The following NRG1 variants were observed in gnomAD, a reference collection of about 807,000 sequenced individuals.
NRG1 encodes neuregulin 1.
Under a neutral mutation model 63.8 loss-of-function variants are expected in NRG1, and 18 were observed. The ratio of observed to expected loss-of-function variants is 0.28; its 90% CI spans 0.19 to 0.42. NRG1 has a LOEUF of 0.42. NRG1 is among the 10% of genes least tolerant of loss of function. The probability of loss-of-function intolerance (pLI) is 1.00; values close to 1 mark genes in which losing one functional copy is unlikely to be tolerated. For missense variants in NRG1, 762 were observed against 814.7 expected, an observed-to-expected ratio of 0.94 and a Z score of 0.79; for synonymous variants, 302 against 301.3, an observed-to-expected ratio of 1.00 and a Z score of -0.02.
In NRG1 at chr8:31,640,130, C is replaced by T. The variant is rs1331895885; in HGVS notation, c.37+699C>T. On this transcript the variant is annotated intron_variant, in intron 1 of 10. Transcript: ENST00000519301. This position sits in a 1 kb window ranked among gnomAD's most constrained non-coding sequence, Gnocchi z 6.3. ...ACCGCGGCCCTGGCGCCGGGGGCGG[C>T]GGCCGGCAACGAGGCGGCTCCCGCG... The T allele has an allele frequency of 6.9e-6, 8 of 1,157,546 alleles. No individual in the cohort carries two copies. Among genetic ancestry groups the T allele is most frequent in the Admixed American group, 4.8e-5 (1 of 20,902 alleles). The allele number at this position is 1,157,546 out of a possible 1,614,324, so 71.7% of individuals were successfully genotyped here.
intron 1 of NRG1, among the ~76,000 whole-genome samples, chr8:32,125,908 G>T (rs2346771): frequency 0.66 from 99,907 of 151,800 alleles, 34,178 homozygotes; most frequent in African/African-American, 0.85. Flanking sequence ...GATTTATTGA[G>T]TAGGGGATTC....
chr8:31,959,808 T>TATTG (rs1805132383), intron 1 of NRG1, among the ~76,000 whole-genome samples: 1 of 126,888 alleles, frequency 7.9e-6, no homozygotes, highest in Non-Finnish European at 1.8e-5. Flanking sequence ...TTTATTTATT[T>TATTG]ATTTATTTAT....
intron 5 of NRG1, among the ~76,000 whole-genome samples, chr8:32,725,693 C>T (rs1187002172): frequency 1.3e-5 from 2 of 151,702 alleles, no homozygotes; most frequent in East Asian, 2.0e-4. Flanking sequence ...TCAGGCTGGT[C>T]GCAAACTCCT....
At chr8:31,991,116 G>C (rs192073195) in intron 1 of NRG1, among the ~76,000 whole-genome samples, 1 of 152,174 alleles carries the variant, frequency 6.6e-6, no homozygotes, top group East Asian at 1.9e-4. Context: ...TATTGTAGTA[G>C]TTTTAATAGA....
chr8:31,956,065 A>C (rs1804343918), intron 1 of NRG1, among the ~76,000 whole-genome samples: 1 of 151,620 alleles, frequency 6.6e-6, no homozygotes, highest in African/African-American at 2.4e-5. Context: ...AAAAAAACAA[A>C]AAAACAAAAA....
At chr8:32,550,219 T>C (rs4368937) in intron 1 of NRG1, among the ~76,000 whole-genome samples, 59,504 of 151,924 alleles carry the variant, frequency 0.39, 12,729 homozygotes, top group Admixed American at 0.49. Flanking sequence ...CAATTACTGA[T>C]CATTGCCCCT....
intron 1 of NRG1, among the ~76,000 whole-genome samples, chr8:31,752,355 T>A (rs1816563640): frequency 6.6e-6 from 1 of 152,012 alleles, no homozygotes. Flanking sequence ...TTAGGTGTGA[T>A]GAGAATGCAT....
chr8:32,096,000 A>G (rs1829856691), intron 1 of NRG1, among the ~76,000 whole-genome samples: 1 of 152,212 alleles, frequency 6.6e-6, no homozygotes, highest in Admixed American at 6.5e-5. Flanking sequence ...AGATCTGAGT[A>G]ACAAGAAGAA....
intron 1 of NRG1, among the ~76,000 whole-genome samples, chr8:31,762,679 G>T (rs892743807): frequency 1.3e-5 from 2 of 152,126 alleles, no homozygotes; most frequent in African/African-American, 4.8e-5. Flanking sequence ...CTGGATAGCA[G>T]TGATGAGGTC....
At chr8:32,152,637 A>G (rs929608658) in intron 1 of NRG1, among the ~76,000 whole-genome samples, 3 of 152,138 alleles carry the variant, frequency 2.0e-5, no homozygotes, top group Non-Finnish European at 2.9e-5. Context: ...ACAGGAAGAC[A>G]TTATGTTTCA....
intron 1 of NRG1, among the ~76,000 whole-genome samples, chr8:32,008,595 G>T (rs1175016717): frequency 1.3e-5 from 2 of 151,992 alleles, no homozygotes; most frequent in Non-Finnish European, 2.9e-5. Context: ...GAAGACTGGA[G>T]TGTTTTCCAA....
intron 1 of NRG1, among the ~76,000 whole-genome samples, chr8:32,354,827 A>G (rs1409794329): frequency 6.6e-6 from 1 of 151,154 alleles, no homozygotes; most frequent in East Asian, 1.9e-4. Context: ...TATAACATAA[A>G]AGAGATTAAC....
chr8:32,137,739 C>T (rs1056307991), intron 1 of NRG1, among the ~76,000 whole-genome samples: 2 of 152,064 alleles, frequency 1.3e-5, no homozygotes, highest in African/African-American at 4.8e-5. Flanking sequence ...CCTCATCCCT[C>T]GAGATGTGGT....
intron 1 of NRG1, among the ~76,000 whole-genome samples, chr8:32,590,145 C>T (rs1186180181): frequency 2.0e-5 from 3 of 152,160 alleles, no homozygotes; most frequent in Non-Finnish European, 4.4e-5. Context: ...AAAGAAGCTC[C>T]TGTGAAATGT....
At chr8:32,693,024 C>G (rs571848194) in intron 5 of NRG1, among the ~76,000 whole-genome samples, 14 of 152,188 alleles carry the variant, frequency 9.2e-5, no homozygotes, top group African/African-American at 3.4e-4. Context: ...AATGCCTTTC[C>G]GGTAGCTGAC....
chr8:32,162,444 C>G (rs981298420), intron 1 of NRG1, among the ~76,000 whole-genome samples: 5 of 151,956 alleles, frequency 3.3e-5, no homozygotes, highest in Admixed American at 3.3e-4. Context: ...GGCATTACAA[C>G]AAAACTCAGA....
intron 5 of NRG1, among the ~76,000 whole-genome samples, chr8:32,687,208 T>C (rs575715944): frequency 2.6e-5 from 4 of 152,260 alleles, no homozygotes; most frequent in South Asian, 4.1e-4. Flanking sequence ...AAATATAAAA[T>C]GTGTTCTTAT....
chr8:32,760,753 C>T lies in NRG1; in HGVS notation c.1259+347C>T, dbSNP rs906709909. ...TAACATTAGAGAGATGGCATCAATGCTTGATAAGGACCCTTCTATAATTCC... is the reference window on the plus strand; with the variant it reads ...TAACATTAGAGAGATGGCATCAATGTTTGATAAGGACCCTTCTATAATTCC... On this transcript the variant is annotated intron_variant, in intron 11 of 11. Coordinates refer to ENST00000356819, the Ensembl canonical transcript of NRG1. 28 of 1,050,974 alleles carry T rather than the reference C, an allele frequency of 2.7e-5. No individual in the cohort carries two copies. In the African/African-American group the frequency reaches 4.5e-4, roughly 17 times the overall value. 65.1% of individuals were successfully genotyped at this position (1,050,974 alleles called of 1,614,324 possible).
At chr8:32,185,543 A>G (rs548826915) in intron 1 of NRG1, among the ~76,000 whole-genome samples, 63 of 152,336 alleles carry the variant, frequency 4.1e-4, no homozygotes, top group African/African-American at 1.4e-3. Flanking sequence ...GCATTGCAAA[A>G]GAAGGAATAA....
Sources: gnomAD v4.1 joint callset for allele counts (sites outside exome capture counted in the v4.1 genomes callset) on GRCh38, gnomAD v4.1.1 for gene constraint, Gnocchi (gnomAD v3.1) non-coding constraint, MANE v1.5 for transcripts, NCBI Gene and HGNC (gene_info 2026-07-23, HGNC 2026-07-21) for gene names.